COL6A2: variants seen among roughly 807,000 people sequenced by gnomAD.
COL6A2 encodes collagen type VI alpha 2 chain.
COL6A2 carries 90 observed loss-of-function variants against 124.9 expected under a neutral mutation model. The observed-to-expected ratio is 0.72, with a 90% CI of 0.61 to 0.86. The LOEUF is 0.86. COL6A2 is among the 40% of genes least tolerant of loss of function. The pLI is 0.00. For synonymous variants in COL6A2, 793 were observed against 618.2 expected (o/e 1.28, Z -4.19); for missense variants, 1,607 against 1,502.5 (o/e 1.07, Z -1.15).
chr21:46,128,221 T>C (rs1293710759), intron 27 of COL6A2, among the ~76,000 whole-genome samples: 1 of 152,134 alleles, frequency 6.6e-6, no homozygotes, highest in African/African-American at 2.4e-5. Flanking sequence ...CCCTTGAAGC[T>C]CTGGCCTCTT....
At chr21:46,114,123 A>C in intron 5 of COL6A2, 50 bp downstream of exon 5, 2 of 1,522,836 alleles carry the variant, frequency 1.3e-6, no homozygotes, top group South Asian at 2.2e-5. Context: ...GAAGCCCCTG[A>C]TTTGTTTTGA....
chr21:46,129,219 C>A, intron 27 of COL6A2: 2 of 1,612,930 alleles, frequency 1.2e-6, no homozygotes, highest in Non-Finnish European at 1.7e-6. Context: ...TGGCGGCGAG[C>A]CCCCGGTCAC....
intron 12 of COL6A2, 48 bp from the exon 13 acceptor site, chr21:46,118,566 C>A: frequency 6.3e-7 from 1 of 1,596,976 alleles, no homozygotes; most frequent in Non-Finnish European, 8.6e-7. Context: ...TCCTGCACCC[C>A]CCTTCCCCTG....
At chr21:46,123,511 G>A (rs1046011885) in intron 21 of COL6A2, among the ~76,000 whole-genome samples, 2 of 151,448 alleles carry the variant, frequency 1.3e-5, no homozygotes, top group Non-Finnish European at 3.0e-5. Context: ...AACGATGGAT[G>A]GATGGGCAAG....
intron 1 of COL6A2, among the ~76,000 whole-genome samples, chr21:46,106,467 A>G (rs193013774): frequency 7.9e-5 from 12 of 152,366 alleles, no homozygotes; most frequent in African/African-American, 2.4e-4. Flanking sequence ...GTCCAAGGCC[A>G]TAAGTCCAAT....
At chr21:46,113,242 C>G (rs1302539638) in intron 4 of COL6A2, among the ~76,000 whole-genome samples, 1 of 152,136 alleles carries the variant, frequency 6.6e-6, no homozygotes, top group Non-Finnish European at 1.5e-5. Context: ...CTGAGATCTC[C>G]CCCGTGAGGC....
At chr21:46,100,268 T>C (rs2078274831) in intron 1 of COL6A2, among the ~76,000 whole-genome samples, 1 of 152,134 alleles carries the variant, frequency 6.6e-6, no homozygotes. Flanking sequence ...GCTAATTTTC[T>C]TTTAAGAGAC....
chr21:46,116,953 ACACG>A lies in COL6A2; in HGVS notation c.999+140_999+143del. ...CACACACACACACACACACACACACACACGAACTTCAGCTCCTGCCACATCCCAC... is the reference window on the plus strand; with the variant it reads ...CACACACACACACACACACACACACAAACTTCAGCTCCTGCCACATCCCAC... On this transcript the variant is annotated intron_variant, in intron 10 of 27. Coordinates refer to ENST00000300527, the MANE Select transcript of COL6A2 (RefSeq NM_001849.4). The surrounding 1 kb of genome is among the most constrained non-coding windows in gnomAD (Gnocchi z 4.6). 1.2e-6 allele frequency: 1 copy of A among 826,692 alleles called. No individual in the cohort carries two copies. Among genetic ancestry groups the A allele is most frequent in the Non-Finnish European group, 1.9e-6 (1 of 518,458 alleles). The allele number at this position is 826,692 out of a possible 1,614,324, so 51.2% of individuals were successfully genotyped here.
At chr21:46,129,634 G>A (rs2078732885) in intron 27 of COL6A2, 2 of 1,427,848 alleles carry the variant, frequency 1.4e-6, no homozygotes, top group Admixed American at 5.8e-5. Context: ...GGGCTCTGGG[G>A]CAGCTCCCAG....
At position 46,125,580 on chromosome 21, in the gene COL6A2, G is replaced by C. The variant is rs776676512; in HGVS notation, c.1932G>C (p.Arg644Ser). Residue 644 changes from arginine (R) to serine (S), a missense_variant, in exon 25 of 28, where the codon AGG becomes AGC. Around this residue, in one of 3 missense-constraint regions of COL6A2, gnomAD observed 1,223 missense variants for 1,052.2 expected, o/e 1.16. Coordinates refer to ENST00000300527, the MANE Select transcript of COL6A2 (RefSeq NM_001849.4). The stretch of plus-strand genomic sequence containing the variant: ...ACTTCGTCATCAACGTGGTCAACAG[G>C]CTGGGTGCCATCGCTAAGGACCCCA... ...EKNFVINVVNRLGAIAKDPKS... is the reference protein window; with the variant it reads ...EKNFVINVVNSLGAIAKDPKS... The C allele has an allele frequency of 1.8e-5, 29 of 1,612,762 alleles. No homozygotes were observed. The highest frequency in any genetic ancestry group is 2.3e-5 in the Non-Finnish European group (27 of 1,179,988).
intron 17 of COL6A2, among the ~76,000 whole-genome samples, chr21:46,121,343 CAG>C (rs2078563086): frequency 1.3e-5 from 2 of 152,298 alleles, no homozygotes; most frequent in African/African-American, 4.8e-5. Context: ...GTTGTGGAGT[CAG>C]GGGCAAGGCA....
chr21:46,132,433 G>C lies in COL6A2; in HGVS notation c.2941G>C (p.Asp981His), dbSNP rs1423244143. 6.2e-7 allele frequency: 1 copy of C among 1,606,762 alleles called. No individual in the cohort carries two copies. The highest frequency in any genetic ancestry group is 8.5e-7 in the Non-Finnish European group (1 of 1,176,960). ...PTVLALGSDVDMDVLTTLSLG... is the reference protein window; with the variant it reads ...PTVLALGSDVHMDVLTTLSLG... ...CGTGCTGGCCTTGGGCAGCGACGTG[G>C]ACATGGACGTGCTCACCACGCTCAG... Residue 981 changes from aspartate (D) to histidine (H), a missense_variant, in exon 28 of 28, where the codon GAC becomes CAC. Transcript: ENST00000300527.
intron 1 of COL6A2, among the ~76,000 whole-genome samples, chr21:46,109,998 G>A (rs1206246906): frequency 1.3e-5 from 2 of 152,338 alleles, no homozygotes; most frequent in African/African-American, 4.8e-5. Context: ...TCGCCAAACT[G>A]CAAGGGGCAG....
In COL6A2 at chr21:46,132,078, G is replaced by C; in HGVS notation, c.2586G>C (p.Arg862=). 6.2e-7 allele frequency: 1 copy of C among 1,601,982 alleles called. No individual in the cohort carries two copies. The highest frequency in any genetic ancestry group is 8.5e-7 in the Non-Finnish European group (1 of 1,176,786). ...GCTTCGTGGAGCAGGTGGCGCGGCG[G>C]CTGACGCTGGCCCGGAGGGACGACG... The part of the protein sequence containing the change: ...ARRFVEQVAR[R]LTLARRDDDP... The change falls in exon 28 of 28, where the codon CGG becomes CGC. Residue 862 remains arginine (R), a synonymous_variant. Coordinates refer to ENST00000300527, the MANE Select transcript of COL6A2 (RefSeq NM_001849.4).
In COL6A2 at chr21:46,125,810, C is replaced by T. The variant is rs886327923; in HGVS notation, c.1995C>T (p.Tyr665=). 6.2e-7 allele frequency: 1 copy of T among 1,612,556 alleles called. No individual in the cohort carries two copies. The highest frequency in any genetic ancestry group is 1.7e-5 in the Admixed American group (1 of 59,982). Reference sequence around the variant, plus strand: ...GGACGCGTGTGGGCGTGGTGCAGTACAGCCACGAGGGCACCTTTGAGGCCA... The same window carrying T: ...GGACGCGTGTGGGCGTGGTGCAGTATAGCCACGAGGGCACCTTTGAGGCCA... ...ETGTRVGVVQ[Y]SHEGTFEAIQ... is the part of the protein sequence containing the mutation. The change falls in exon 26 of 28, where the codon TAC becomes TAT. Residue 665 remains tyrosine, a synonymous_variant. Transcript: ENST00000300527.
At chr21:46,131,905 G>C (rs754351646) in intron 27 of COL6A2, 49 bp from the exon 28 acceptor site, 4 of 1,518,448 alleles carry the variant, frequency 2.6e-6, no homozygotes, top group Non-Finnish European at 3.6e-6. Context: ...CACCTGCCCG[G>C]TCCTGCCCAC....
In COL6A2 at chr21:46,126,194, C is replaced by T. The variant is rs1192187806; in HGVS notation, c.2379C>T (p.Val793=). The change falls in exon 26 of 28, where the codon GTC becomes GTT. Residue 793 remains valine (V), a synonymous_variant. Transcript: ENST00000300527. The part of the protein sequence containing the change: ...VRNMTLFSDL[V]AEKFIDDMED... ...ACATGACGCTGTTCTCCGACCTGGT[C>T]GCTGAGAAGTTCATCGATGACATGG... is the stretch of plus-strand genomic sequence containing the variant. 11 of 1,603,890 alleles carry T rather than the reference C, an allele frequency of 6.9e-6. No individual in the cohort carries two copies. Among genetic ancestry groups the T allele is most frequent in the Admixed American group, 1.7e-5 (1 of 60,004 alleles).
Position 46,099,779 on chromosome 21 carries a change from C to CG in COL6A2, c.-28+1606_-28+1607insG, listed in dbSNP as rs1568917334. ...CAGGGGTGGTGGGAATCCCAGCTCA[C>CG]AGGGCGCCTGCTCTTAGAAGGGCGG... is the stretch of plus-strand genomic sequence containing the variant. On this transcript the variant is annotated intron_variant, in intron 1 of 27. Transcript: ENST00000300527. Among the ~76,000 whole-genome samples the CG allele has an allele frequency of 2.9e-4, 44 of 152,092 alleles. 1 individual carries two copies. The highest frequency in any genetic ancestry group is 5.5e-4 in the African/African-American group (23 of 41,482).
At chr21:46,098,642 A>C in intron 1 of COL6A2, among the ~76,000 whole-genome samples, 2 of 146,318 alleles carry the variant, frequency 1.4e-5, no homozygotes. Context: ...GCCGGACGGA[A>C]GGGGCGGCGG....
Sources: gnomAD v4.1 joint callset for allele counts (sites outside exome capture counted in the v4.1 genomes callset) on GRCh38, gnomAD v4.1.1 for gene constraint, gnomAD v4.1.1 regional missense constraint, Gnocchi (gnomAD v3.1) non-coding constraint, MANE v1.5 for transcripts, NCBI Gene and HGNC (gene_info 2026-07-23, HGNC 2026-07-21) for gene names.